Variants in FIP1L1 observed in about 807,000 individuals in gnomAD.
FIP1L1 encodes factor interacting with PAPOLA and CPSF1, also known as pre-mRNA 3'-end-processing factor FIP1.
FIP1L1 carries 21 observed loss-of-function variants against 84.6 expected under a neutral mutation model. The observed-to-expected ratio is 0.25, with a 90% CI of 0.18 to 0.36. FIP1L1 has a LOEUF of 0.36. Ranked by LOEUF, FIP1L1 falls within the 10% of genes least tolerant of loss-of-function variation. The pLI is 1.00. For synonymous variants in FIP1L1, 263 were observed against 242.3 expected, an observed-to-expected ratio of 1.09 and a Z score of -0.80; for missense variants, 526 against 751.1, an observed-to-expected ratio of 0.70 and a Z score of 3.50.
At chr4:53,441,079 G>T (rs1771685646) in intron 13 of FIP1L1, 1 of 153,874 alleles carries the variant, frequency 6.5e-6, no homozygotes, top group African/African-American at 2.4e-5. Flanking sequence ...TCAGGTGGCT[G>T]TTCTTAGAGT....
chr4:53,408,104 G>T (rs1347321440), intron 10 of FIP1L1, among the ~76,000 whole-genome samples: 1 of 152,154 alleles, frequency 6.6e-6, no homozygotes, highest in African/African-American at 2.4e-5. Context: ...GGTTTTTACA[G>T]TTTGGCATGA....
At chr4:53,392,377 A>T (rs991434104) in intron 9 of FIP1L1, among the ~76,000 whole-genome samples, 2 of 152,138 alleles carry the variant, frequency 1.3e-5, no homozygotes, top group Non-Finnish European at 2.9e-5. Flanking sequence ...TGTGTGTGCT[A>T]TGTCTGCAGA....
At chr4:53,383,670 A>G in intron 4 of FIP1L1, 103 bp from the exon 5 acceptor site, 1 of 1,175,368 alleles carries the variant, frequency 8.5e-7, no homozygotes, top group African/African-American at 1.6e-5. Context: ...TCAAGACAGA[A>G]GAAAGAAAAA....
intron 14 of FIP1L1, 130 bp downstream of exon 14, chr4:53,442,837 C>T: frequency 1.8e-6 from 1 of 566,504 alleles, no homozygotes; most frequent in South Asian, 2.6e-5. Context: ...AAATCTAGAT[C>T]TATGTTAGTT....
intron 10 of FIP1L1, among the ~76,000 whole-genome samples, chr4:53,410,527 CT>C (rs1756660625): frequency 6.6e-6 from 1 of 152,162 alleles, no homozygotes; most frequent in Non-Finnish European, 1.5e-5. Context: ...GTTGTCTCTG[CT>C]GCTTTATGAC....
At chr4:53,442,150 CATATTTTCTGGTGG>C (rs1454480539) in intron 13 of FIP1L1, 12 of 152,776 alleles carry the variant, frequency 7.9e-5, no homozygotes, top group African/African-American at 2.7e-4. Flanking sequence ...GCTATTTGAA[CATATTTTCTGGTGG>C]ATATTCTCAG....
Position 53,390,537 on chromosome 4 carries a change from A to G in FIP1L1, c.414A>G (p.Gly138=), listed in dbSNP as rs1201111587. Residue 138 remains glycine (G), a synonymous_variant, in exon 7 of 18, where the codon GGA becomes GGG. Coordinates refer to ENST00000337488, the MANE Select transcript of FIP1L1 (RefSeq NM_030917.4). ...VYGTTGTKVK[G]VDLDAPGSIN... ...ATAAAACAGGGACAAAAGTCAAAGG[A>G]GTAGACCTTGATGCACCTGGAAGCA... 1 of 1,611,196 alleles carries G rather than the reference A, an allele frequency of 6.2e-7. No individual in the cohort carries two copies. Among genetic ancestry groups the G allele is most frequent in the Admixed American group, 1.7e-5 (1 of 59,870 alleles).
At chr4:53,435,286 G>T (rs535572554) in intron 13 of FIP1L1, among the ~76,000 whole-genome samples, 3 of 152,152 alleles carry the variant, frequency 2.0e-5, no homozygotes, top group African/African-American at 7.2e-5. Flanking sequence ...GTTGATTTTT[G>T]AATGTGCTTT....
At chr4:53,395,663 A>G (rs1286548260) in intron 9 of FIP1L1, among the ~76,000 whole-genome samples, 1 of 152,232 alleles carries the variant, frequency 6.6e-6, no homozygotes, top group Non-Finnish European at 1.5e-5. Context: ...CAAGTAACAA[A>G]TACTTATTGA....
At chr4:53,456,338 A>G (rs184205365) in intron 16 of FIP1L1, among the ~76,000 whole-genome samples, 3 of 152,178 alleles carry the variant, frequency 2.0e-5, no homozygotes, top group African/African-American at 7.2e-5. Flanking sequence ...TGAAACTTAA[A>G]AAGTGTTAAT....
Position 53,425,869 on chromosome 4 carries a change from C to T in FIP1L1, c.924-3C>T, listed in dbSNP as rs1435184246. On this transcript the variant is annotated splice_polypyrimidine_tract_variant and splice_region_variant and intron_variant, in intron 11 of 17. Coordinates refer to ENST00000337488, the MANE Select transcript of FIP1L1 (RefSeq NM_030917.4). ...CTGAATTGATTCAATTTTTATGTTA[C>T]AGGAGATTACCTGGGGCAATTGATG... 1.2e-6 allele frequency: 2 copies of T among 1,604,168 alleles called. No homozygotes were observed. Among genetic ancestry groups the T allele is most frequent in the South Asian group, 1.1e-5 (1 of 89,816 alleles).
At chr4:53,380,471 A>G (rs1342599481) in intron 3 of FIP1L1, among the ~76,000 whole-genome samples, 1 of 152,164 alleles carries the variant, frequency 6.6e-6, no homozygotes, top group African/African-American at 2.4e-5. Context: ...CTGGAATTAG[A>G]TAGTTGTGAT....
intron 11 of FIP1L1, 39 bp from the exon 12 acceptor site, chr4:53,425,833 A>T: frequency 7.1e-7 from 1 of 1,412,324 alleles, no homozygotes; most frequent in Non-Finnish European, 9.9e-7. Context: ...TAAGCATCTA[A>T]TTAGGTGAAA....
Position 53,377,754 on chromosome 4 carries a change from C to G in FIP1L1, c.-85C>G. ...GTTCGTTCGTCGGCGGGTTCGCGCC[C>G]TTCTCGCGCCTCGGGGCTGCGAGGC... On this transcript the variant is annotated 5_prime_UTR_variant, in exon 1 of 18. Coordinates refer to ENST00000337488, the MANE Select transcript of FIP1L1 (RefSeq NM_030917.4). The G allele has an allele frequency of 3.8e-6, 5 of 1,310,942 alleles. 1 individual carries two copies. The highest frequency in any genetic ancestry group is 3.1e-5 in the South Asian group (2 of 64,026). The allele number at this position is 1,310,942 out of a possible 1,614,324, so 81.2% of individuals were successfully genotyped here.
chr4:53,447,906 T>C (rs1774887420), intron 15 of FIP1L1, among the ~76,000 whole-genome samples: 1 of 152,054 alleles, frequency 6.6e-6, no homozygotes, highest in Non-Finnish European at 1.5e-5. Flanking sequence ...TGAGTTCAGG[T>C]GTGGAATTTT....
chr4:53,451,479 T>C (rs1476849404), intron 15 of FIP1L1, among the ~76,000 whole-genome samples: 1 of 151,992 alleles, frequency 6.6e-6, no homozygotes, highest in Non-Finnish European at 1.5e-5. Context: ...ACTGTCCACC[T>C]ACATCTTCGT....
In FIP1L1 at chr4:53,399,716, C is replaced by CTT. The variant is rs369079997; in HGVS notation, c.706-5_706-4dup. 5.8e-5 allele frequency: 75 copies of CTT among 1,282,086 alleles called. No individual in the cohort carries two copies. The highest frequency in any genetic ancestry group is 9.9e-5 in the South Asian group (7 of 70,842). The allele number at this position is 1,282,086 out of a possible 1,614,324, so 79.4% of individuals were successfully genotyped here. A position where few individuals can be genotyped will look rare whatever the true frequency, so the allele number is the denominator to read the frequency against. ...CTGTTAAATTCAACAAGCTAATAAC[C>CTT]TTTTTTTTTTAAGGTACAGCAGGGA... On this transcript the variant is annotated splice_polypyrimidine_tract_variant and intron_variant, in intron 9 of 17. Transcript: ENST00000337488.
In FIP1L1 at chr4:53,458,828, G is replaced by A. The variant is rs777364698; in HGVS notation, c.1637+38G>A. ...ATAAAATAGTGAACCAATAGTATGT[G>A]AGAGATTTTGACTTACTACATTGTC... On this transcript the variant is annotated intron_variant, in intron 17 of 17. Transcript: ENST00000337488. 6 of 1,589,754 alleles carry A rather than the reference G, an allele frequency of 3.8e-6. No individual in the cohort carries two copies. The South Asian group carries it at 6.9e-5, about 18-fold the overall frequency.
chr4:53,405,616 G>A (rs367848636), intron 10 of FIP1L1, among the ~76,000 whole-genome samples: 95 of 145,934 alleles, frequency 6.5e-4, no homozygotes, highest in Middle Eastern at 3.6e-3. Flanking sequence ...CCATTTTCAC[G>A]ATATTGATTC....
Sources: gnomAD v4.1 joint callset for allele counts (sites outside exome capture counted in the v4.1 genomes callset) on GRCh38, gnomAD v4.1.1 for gene constraint, MANE v1.5 for transcripts, NCBI Gene and HGNC (gene_info 2026-07-23, HGNC 2026-07-21) for gene names.